The following DECR1 variants were observed in gnomAD, a reference collection of about 807,000 sequenced individuals.
DECR1 encodes 2,4-dienoyl-CoA reductase [(3E)-enoyl-CoA-producing], mitochondrial.
In DECR1, 44 loss-of-function variants were observed where a neutral mutation model predicts 38.8. The ratio of observed to expected loss-of-function variants is 1.13; its 90% CI spans 0.89 to 1.46. The LOEUF is 1.46. DECR1 is among the 40% of genes most tolerant of loss of function. The pLI is 0.00. For missense variants in DECR1, 428 were observed against 405.5 expected (o/e 1.06, Z -0.48); for synonymous variants, 148 against 135.2 (o/e 1.09, Z -0.66).
intron 8 of DECR1, among the ~76,000 whole-genome samples, chr8:90,050,941 G>T (rs542745978): frequency 1.3e-5 from 2 of 152,198 alleles, no homozygotes; most frequent in South Asian, 4.1e-4. Context: ...ACCAAACACC[G>T]CATGTTCTCA....
At chr8:90,039,819 T>C (rs1470099791) in intron 6 of DECR1, among the ~76,000 whole-genome samples, 1 of 152,210 alleles carries the variant, frequency 6.6e-6, no homozygotes, top group African/African-American at 2.4e-5. Flanking sequence ...AGGGAGGGAC[T>C]CTCATTTGAG....
At chr8:90,014,244 A>G (rs1812953932) in intron 1 of DECR1, among the ~76,000 whole-genome samples, 1 of 152,214 alleles carries the variant, frequency 6.6e-6, no homozygotes, top group South Asian at 2.1e-4. Context: ...TTATAATTCA[A>G]AAAAGCCCAA....
chr8:90,010,627 A>G (rs1812859757), intron 1 of DECR1, among the ~76,000 whole-genome samples: 1 of 152,240 alleles, frequency 6.6e-6, no homozygotes, highest in Admixed American at 6.5e-5. Flanking sequence ...TGATAGTTTA[A>G]TATGGCAGTT....
At chr8:90,007,279 G>A (rs971751706) in intron 1 of DECR1, among the ~76,000 whole-genome samples, 9 of 152,130 alleles carry the variant, frequency 5.9e-5, no homozygotes, top group Admixed American at 2.6e-4. Flanking sequence ...TATGGGGAGC[G>A]AAGGAATCTG....
intron 4 of DECR1, among the ~76,000 whole-genome samples, chr8:90,020,016 G>A (rs1025082096): frequency 6.6e-6 from 1 of 152,156 alleles, no homozygotes; most frequent in Non-Finnish European, 1.5e-5. Flanking sequence ...TTCCTCAGTG[G>A]AGGAGAACGA....
At chr8:90,016,873 G>A (rs548371906) in intron 1 of DECR1, 133 of 404,348 alleles carry the variant, frequency 3.3e-4, no homozygotes, top group African/African-American at 2.3e-3. Context: ...GAGGCACAGA[G>A]AGGTCAAATA....
At chr8:90,033,853 A>C (rs1813555928) in intron 5 of DECR1, among the ~76,000 whole-genome samples, 1 of 152,168 alleles carries the variant, frequency 6.6e-6, no homozygotes, top group Non-Finnish European at 1.5e-5. Context: ...TTTCCATTGG[A>C]GCATTTGCTT....
intron 5 of DECR1, among the ~76,000 whole-genome samples, 178 bp downstream of exon 5, chr8:90,021,234 A>AT: frequency 6.6e-6 from 1 of 152,358 alleles, no homozygotes; most frequent in East Asian, 1.9e-4. Flanking sequence ...AGTAATAAAT[A>AT]TATGTTTCAA....
chr8:90,039,724 CT>C (rs1813701631), intron 6 of DECR1, among the ~76,000 whole-genome samples: 1 of 152,136 alleles, frequency 6.6e-6, no homozygotes, highest in Non-Finnish European at 1.5e-5. Flanking sequence ...TTAGGTTCTT[CT>C]TCTTTTAAGC....
intron 2 of DECR1, 24 bp from the exon 3 acceptor site, chr8:90,018,885 G>A (rs777833695): frequency 7.2e-6 from 11 of 1,533,364 alleles, no homozygotes; most frequent in Non-Finnish European, 8.9e-6. Flanking sequence ...ATAATATGAA[G>A]TCATACAAGG....
At chr8:90,030,946 C>T (rs1813479378) in intron 5 of DECR1, among the ~76,000 whole-genome samples, 2 of 152,058 alleles carry the variant, frequency 1.3e-5, no homozygotes, top group Admixed American at 1.3e-4. Context: ...CTTAGAGCAA[C>T]TGTGTACCTT....
At position 90,017,238 on chromosome 8, in the gene DECR1, G is replaced by C; in HGVS notation, c.184G>C (p.Ala62Pro). 2 of 1,614,154 alleles carry C rather than the reference G, an allele frequency of 1.2e-6. No homozygotes were observed. The highest frequency in any genetic ancestry group is 1.7e-6 in the Non-Finnish European group (2 of 1,180,012). ...LPPNSFQGKVAFITGGGTGLG... is the reference protein window; with the variant it reads ...LPPNSFQGKVPFITGGGTGLG... The stretch of plus-strand genomic sequence containing the variant: ...ACCTAATAGTTTTCAAGGAAAAGTG[G>C]CATTCATTACTGGGGGAGGTACTGG... Residue 62 changes from alanine to proline, a missense_variant, in exon 2 of 10, where the codon GCA becomes CCA. Coordinates refer to ENST00000220764, the MANE Select transcript of DECR1 (RefSeq NM_001359.2).
chr8:90,045,113 A>C, intron 8 of DECR1, 118 bp downstream of exon 8: 1 of 838,394 alleles, frequency 1.2e-6, no homozygotes, highest in African/African-American at 1.7e-5. Context: ...ATATGTATTT[A>C]GTTGTAAATA....
At chr8:90,021,197 ATAAT>A in intron 5 of DECR1, 141 bp downstream of exon 5, 1 of 558,282 alleles carries the variant, frequency 1.8e-6, no homozygotes, top group South Asian at 5.5e-5. Context: ...TGATATTTAA[ATAAT>A]TATCATATGT....
intron 8 of DECR1, among the ~76,000 whole-genome samples, chr8:90,048,361 C>A (rs1288351176): frequency 6.6e-6 from 1 of 152,002 alleles, no homozygotes; most frequent in Non-Finnish European, 1.5e-5. Flanking sequence ...GATATCACCA[C>A]CTATCCCACA....
At position 90,052,954 on chromosome 8, in the gene DECR1, A is replaced by G. The variant is rs1484640129; in HGVS notation, c.*1057A>G. 2.0e-5 allele frequency among the ~76,000 whole-genome samples: 3 copies of G among 152,194 alleles called. No individual in the cohort carries two copies. Among genetic ancestry groups the G allele is most frequent in the Non-Finnish European group, 4.4e-5 (3 of 68,040 alleles). On this transcript the variant is annotated 3_prime_UTR_variant, in exon 10 of 10. Transcript: ENST00000220764. ...CTGCCACAAGCCCATGGAAACCCCA[A>G]TTAACATTGACAGTTAATTGTGTAC...
At chr8:90,015,489 C>A (rs563500109) in intron 1 of DECR1, 6 of 344,538 alleles carry the variant, frequency 1.7e-5, no homozygotes, top group African/African-American at 1.3e-4. Context: ...ATATTTGTTT[C>A]TTTTTTTTCA....
Position 90,052,189 on chromosome 8 carries a change from C to T in DECR1, c.*292C>T, listed in dbSNP as rs1814116569. ...ACTTAGAAGTGCAGAGAGAACAGAT[C>T]TTTGTGACTTGGAAAATCAGGAGAA... On this transcript the variant is annotated 3_prime_UTR_variant, in exon 10 of 10. Transcript: ENST00000220764. The T allele has an allele frequency of 3.3e-6, 1 of 299,478 alleles. No homozygotes were observed. Among genetic ancestry groups the T allele is most frequent in the Non-Finnish European group, 6.1e-6 (1 of 162,796 alleles). The allele number at this position is 299,478 out of a possible 1,614,324, so 18.6% of individuals were successfully genotyped here.
intron 8 of DECR1, chr8:90,045,217 G>C: frequency 8.2e-6 from 2 of 244,984 alleles, no homozygotes; most frequent in Non-Finnish European, 1.5e-5. Flanking sequence ...CTGAGACTAT[G>C]TAATTTATAA....
Sources: allele counts gnomAD v4.1 joint callset (sites outside exome capture counted in the v4.1 genomes callset), GRCh38; gene constraint gnomAD v4.1.1; transcripts MANE v1.5; gene names NCBI Gene and HGNC (gene_info 2026-07-23, HGNC 2026-07-21).